Variants in CSMD1 observed in about 807,000 individuals in gnomAD.
CSMD1 encodes CUB and sushi domain-containing protein 1.
CSMD1 carries 213 observed loss-of-function variants against 417.5 expected under a neutral mutation model. That is an observed-to-expected ratio of 0.51 (90% confidence interval 0.46 to 0.57). CSMD1 has a LOEUF of 0.57. CSMD1 is among the 20% of genes least tolerant of loss of function. The probability of loss-of-function intolerance (pLI) is 0.00; values close to 1 mark genes in which losing one functional copy is unlikely to be tolerated. For missense variants in CSMD1, 6,923 were observed against 4,529.7 expected, an observed-to-expected ratio of 1.53 and a Z score of -15.17; for synonymous variants, 2,862 against 1,736.8, an observed-to-expected ratio of 1.65 and a Z score of -16.11.
chr8:3,875,972 G>C (rs1483136385), intron 5 of CSMD1, among the ~76,000 whole-genome samples: 2 of 150,906 alleles, frequency 1.3e-5, no homozygotes, highest in South Asian at 2.1e-4. Context: ...CTGTAAAATT[G>C]CGAAGGGCCA....
At chr8:4,649,607 C>G (rs1803755269) in intron 1 of CSMD1, among the ~76,000 whole-genome samples, 1 of 152,202 alleles carries the variant, frequency 6.6e-6, no homozygotes, top group Non-Finnish European at 1.5e-5. Context: ...ACAAATTCCA[C>G]TACAAAAGCA....
At chr8:3,059,689 G>A (rs1409111317) in intron 49 of CSMD1, among the ~76,000 whole-genome samples, 1 of 152,124 alleles carries the variant, frequency 6.6e-6, no homozygotes, top group Non-Finnish European at 1.5e-5. Context: ...GGCAGACGTA[G>A]GAAGCCCAGT....
intron 3 of CSMD1, among the ~76,000 whole-genome samples, chr8:4,147,120 A>C: frequency 6.6e-6 from 1 of 151,146 alleles, no homozygotes; most frequent in South Asian, 2.1e-4. Context: ...CTCCTGACCA[A>C]TCTCTTCCTC....
intron 11 of CSMD1, among the ~76,000 whole-genome samples, chr8:3,474,015 G>A (rs139721884): frequency 8.7e-4 from 132 of 152,144 alleles, no homozygotes; most frequent in Middle Eastern, 6.8e-3. Context: ...AACAGCATGG[G>A]GGAAACTGCC....
rs1796320069 is a variant in CSMD1 at position 3,190,078 on chromosome 8, G to A, written c.5232C>T (p.Val1744=). 2.5e-6 allele frequency: 4 copies of A among 1,594,842 alleles called. No individual in the cohort carries two copies. The highest frequency in any genetic ancestry group is 3.4e-6 in the Non-Finnish European group (4 of 1,170,746). Residue 1744 remains valine (V), a synonymous_variant, in exon 34 of 70, where the codon GTC becomes GTT. Coordinates refer to ENST00000635120, the MANE Select transcript of CSMD1 (RefSeq NM_033225.6). ...PRTSDTQCSS[V]PEPRYGRRIG... ...TTCTCCTTCCGTATCTGGGCTCGGG[G>A]ACAGAGCTGCATTGGGTGTCACTGG...
At chr8:3,239,592 G>A (rs1464974139) in intron 26 of CSMD1, among the ~76,000 whole-genome samples, 1 of 152,188 alleles carries the variant, frequency 6.6e-6, no homozygotes, top group Non-Finnish European at 1.5e-5. Flanking sequence ...TAATCTCTGA[G>A]AAGTAGTAGA....
chr8:2,939,680 A>C (rs1801727092), intron 69 of CSMD1, among the ~76,000 whole-genome samples: 1 of 152,232 alleles, frequency 6.6e-6, no homozygotes, highest in African/African-American at 2.4e-5. Flanking sequence ...GACATTTACT[A>C]GATTTCCTTA....
chr8:4,300,896 G>C (rs546666149), intron 3 of CSMD1, among the ~76,000 whole-genome samples: 1 of 152,118 alleles, frequency 6.6e-6, no homozygotes, highest in Admixed American at 6.6e-5. Context: ...AGTATTCCAT[G>C]GTGTATATGT....
chr8:3,938,532 G>C (rs1364516035), intron 5 of CSMD1, among the ~76,000 whole-genome samples: 1 of 152,090 alleles, frequency 6.6e-6, no homozygotes, highest in Non-Finnish European at 1.5e-5. Context: ...ACTCTGTTGG[G>C]GGATGATTTG....
chr8:4,033,559 T>G (rs559393645), intron 3 of CSMD1, among the ~76,000 whole-genome samples: 4 of 152,206 alleles, frequency 2.6e-5, no homozygotes, highest in Non-Finnish European at 5.9e-5. Flanking sequence ...AGTGTATTGA[T>G]TGATGTCTTA....
intron 5 of CSMD1, among the ~76,000 whole-genome samples, chr8:3,986,400 A>C (rs867526392): frequency 6.6e-6 from 1 of 152,162 alleles, no homozygotes; most frequent in African/African-American, 2.4e-5. Flanking sequence ...GGCCCTGGAC[A>C]TTTCACTGTT....
At chr8:3,279,945 G>A (rs890396266) in intron 26 of CSMD1, among the ~76,000 whole-genome samples, 33 of 152,314 alleles carry the variant, frequency 2.2e-4, no homozygotes, top group African/African-American at 7.7e-4. Flanking sequence ...TGAGATTTGG[G>A]TGGGGACGTA....
intron 4 of CSMD1, among the ~76,000 whole-genome samples, chr8:4,024,294 T>A (rs181488194): frequency 5.1e-4 from 77 of 152,272 alleles, no homozygotes; most frequent in South Asian, 3.5e-3. Context: ...TGAAGAATAA[T>A]GTAAACAAAT....
At chr8:3,052,389 C>G (rs917569205) in intron 50 of CSMD1, 73 bp downstream of exon 50, 66 of 1,246,432 alleles carry the variant, frequency 5.3e-5, no homozygotes, top group Non-Finnish European at 7.2e-5. Context: ...AACGTGGGAA[C>G]CCGGACTTCT....
intron 36 of CSMD1, among the ~76,000 whole-genome samples, chr8:3,184,476 C>T (rs1420167448): frequency 6.6e-6 from 1 of 152,172 alleles, no homozygotes; most frequent in African/African-American, 2.4e-5. Context: ...TTTAATCTGT[C>T]TTCAGTTCTG....
intron 3 of CSMD1, among the ~76,000 whole-genome samples, chr8:4,405,458 T>C (rs573504239): frequency 4.6e-5 from 7 of 152,204 alleles, no homozygotes; most frequent in Admixed American, 6.5e-5. Flanking sequence ...TTAACGCCCA[T>C]CTATAGTTGT....
chr8:4,305,794 G>C (rs909912536), intron 3 of CSMD1, among the ~76,000 whole-genome samples: 7 of 152,054 alleles, frequency 4.6e-5, no homozygotes, highest in African/African-American at 1.7e-4. Flanking sequence ...AAAGTGATTT[G>C]GGATTTCAAA....
At chr8:3,020,168 A>T (rs920956898) in intron 51 of CSMD1, among the ~76,000 whole-genome samples, 5 of 152,216 alleles carry the variant, frequency 3.3e-5, no homozygotes, top group African/African-American at 4.8e-5. Flanking sequence ...ATGGGTTGAT[A>T]ATAGCTCCTA....
At chr8:3,992,505 C>T (rs938982597) in intron 5 of CSMD1, among the ~76,000 whole-genome samples, 3 of 152,188 alleles carry the variant, frequency 2.0e-5, no homozygotes, top group Non-Finnish European at 4.4e-5. Context: ...AAATATGGGA[C>T]TGGCTGTTGT....
Sources: gnomAD v4.1 joint callset for allele counts (sites outside exome capture counted in the v4.1 genomes callset) on GRCh38, gnomAD v4.1.1 for gene constraint, MANE v1.5 for transcripts, NCBI Gene and HGNC (gene_info 2026-07-23, HGNC 2026-07-21) for gene names.